Variants in HIVEP1 observed in about 807,000 individuals in gnomAD.
HIVEP1 encodes HIVEP zinc finger 1.
In HIVEP1, 36 loss-of-function variants were observed where a neutral mutation model predicts 180.0. That is an observed-to-expected ratio of 0.20 (90% confidence interval 0.15 to 0.26). The LOEUF (loss-of-function observed/expected upper bound fraction) is 0.26. Ranked by LOEUF, HIVEP1 falls within the 10% of genes least tolerant of loss-of-function variation. The pLI is 1.00. For missense variants in HIVEP1, 3,143 were observed against 3,268.7 expected (o/e 0.96, Z 0.94); for synonymous variants, 1,239 against 1,239.0 (o/e 1.00, Z 0.00).
the HIVEP1 span, among the ~76,000 whole-genome samples, chr6:12,188,581 T>C: frequency 6.6e-6 from 1 of 152,258 alleles, no homozygotes; most frequent in African/African-American, 2.4e-5. Context: ...TAATTACTTA[T>C]ATCAAAATCA....
chr6:12,146,295 T>A (rs1212963498), intron 7 of HIVEP1, among the ~76,000 whole-genome samples: 2 of 151,966 alleles, frequency 1.3e-5, no homozygotes, highest in Non-Finnish European at 2.9e-5. Flanking sequence ...ATATAAAAAT[T>A]AGCCAGGCAT....
chr6:12,076,697 C>T (rs1011131400), intron 2 of HIVEP1, among the ~76,000 whole-genome samples: 29 of 152,078 alleles, frequency 1.9e-4, no homozygotes, highest in African/African-American at 6.8e-4. Flanking sequence ...ACCTAAACAC[C>T]GCCCAGTAGA....
intron 2 of HIVEP1, among the ~76,000 whole-genome samples, chr6:12,054,586 T>G (rs577992426): frequency 1.3e-5 from 2 of 152,364 alleles, no homozygotes; most frequent in African/African-American, 4.8e-5. Context: ...TTACTAGTAT[T>G]TTTCGGTGTC....
chr6:12,167,649 A>C (rs918140670), downstream of HIVEP1, among the ~76,000 whole-genome samples: 1 of 100,242 alleles, frequency 1.0e-5, no homozygotes, highest in Non-Finnish European at 1.9e-5. Context: ...ACATATACAT[A>C]TATATGTTAT....
At chr6:12,130,691 G>C (rs780432774) in intron 5 of HIVEP1, 76 bp from the exon 6 acceptor site, 8 of 781,304 alleles carry the variant, frequency 1.0e-5, no homozygotes, top group Non-Finnish European at 1.6e-5. Flanking sequence ...TTATCTTTGG[G>C]TTGAATTTTA....
chr6:12,184,124 C>T, the HIVEP1 span, among the ~76,000 whole-genome samples: 1 of 152,038 alleles, frequency 6.6e-6, no homozygotes, highest in Admixed American at 6.6e-5. Context: ...TGAATTCTGT[C>T]AAATCATTTT....
In HIVEP1 at chr6:12,123,996, C is replaced by T. The variant is rs1757886742; in HGVS notation, c.4201C>T (p.Leu1401Phe). 1 of 1,614,160 alleles carries T rather than the reference C, an allele frequency of 6.2e-7. No individual in the cohort carries two copies. Among genetic ancestry groups the T allele is most frequent in the African/African-American group, 1.3e-5 (1 of 75,042 alleles). The change falls in exon 4 of 9, where the codon CTT becomes TTT. Residue 1401 changes from leucine (L) to phenylalanine (F), a missense_variant. Transcript: ENST00000379388. The stretch of plus-strand genomic sequence containing the variant: ...CATCACCCCACCCCAGACAACACCA[C>T]TTACTGAATTGCAGCCTCCATCTTC... ...GSITPPQTTP[L>F]TELQPPSSPS...
the HIVEP1 span, among the ~76,000 whole-genome samples, chr6:12,207,742 A>AAATAATAAT: frequency 0.048 from 6,646 of 138,136 alleles, 523 homozygotes; most frequent in African/African-American, 0.16. Flanking sequence ...AGTCTCTACA[A>AAATAATAAT]AATAATAATA....
chr6:12,198,427 A>G, the HIVEP1 span, among the ~76,000 whole-genome samples: 3 of 152,248 alleles, frequency 2.0e-5, no homozygotes, highest in African/African-American at 7.2e-5. Flanking sequence ...TGCAAAGAGA[A>G]CATATAAGTA....
At chr6:12,110,191 A>G (rs1199571759) in intron 3 of HIVEP1, among the ~76,000 whole-genome samples, 1 of 152,240 alleles carries the variant, frequency 6.6e-6, no homozygotes, top group Non-Finnish European at 1.5e-5. Flanking sequence ...TAGATTTAGC[A>G]TGATTCTTAA....
intron 2 of HIVEP1, among the ~76,000 whole-genome samples, chr6:12,023,104 G>T (rs1190775529): frequency 2.0e-5 from 3 of 152,146 alleles, no homozygotes; most frequent in East Asian, 3.9e-4. Flanking sequence ...CTCTCCTTAG[G>T]TTCCAAGATG....
chr6:12,123,138 C>G lies in HIVEP1; in HGVS notation c.3343C>G (p.Gln1115Glu). 3.7e-6 allele frequency: 6 copies of G among 1,614,184 alleles called. No homozygotes were observed. Among genetic ancestry groups the G allele is most frequent in the Non-Finnish European group, 5.1e-6 (6 of 1,180,036 alleles). ...DPKLSTIMEQ[Q>E]ISSAAQDKIE... ...CAAGCTGTCGACCATCATGGAACAA[C>G]AGATAAGTTCAGCAGCCCAGGACAA... is the stretch of plus-strand genomic sequence containing the variant. Residue 1115 changes from glutamine to glutamate, a missense_variant, in exon 4 of 9, where the codon CAG (glutamine) becomes GAG (glutamate). Around this residue, in one of 12 missense-constraint regions of HIVEP1, gnomAD observed 1,357 missense variants for 1,260.5 expected, o/e 1.08. Coordinates refer to ENST00000379388, the MANE Select transcript of HIVEP1 (RefSeq NM_002114.4).
In HIVEP1 at chr6:12,130,760, A is replaced by C; in HGVS notation, c.6210-7A>C. 1 of 1,524,194 alleles carries C rather than the reference A, an allele frequency of 6.6e-7. No individual in the cohort carries two copies. Among genetic ancestry groups the C allele is most frequent in the Non-Finnish European group, 9.0e-7 (1 of 1,116,420 alleles). The allele number at this position is 1,524,194 out of a possible 1,614,324, so 94.4% of individuals were successfully genotyped here. On this transcript the variant is annotated splice_polypyrimidine_tract_variant and splice_region_variant and intron_variant, in intron 5 of 8. Coordinates refer to ENST00000379388, the MANE Select transcript of HIVEP1 (RefSeq NM_002114.4). ...ATCTCCCTATTCATTTTTTTTCTTT[A>C]AATTAGATATAAGTCAAATGAAGAG...
chr6:12,168,085 A>G (rs1260491980), downstream of HIVEP1, among the ~76,000 whole-genome samples: 1 of 69,826 alleles, frequency 1.4e-5, no homozygotes, highest in Non-Finnish European at 3.0e-5. Flanking sequence ...GTATATATAC[A>G]TATATACACA....
chr6:12,155,146 C>T (rs931248283), intron 7 of HIVEP1, among the ~76,000 whole-genome samples: 1 of 152,208 alleles, frequency 6.6e-6, no homozygotes, highest in Non-Finnish European at 1.5e-5. Flanking sequence ...GCATTAGTTA[C>T]ATCCCACAAA....
Position 12,123,329 on chromosome 6 carries a change from A to G in HIVEP1, c.3534A>G (p.Gly1178=). ...TGKSGSLKVI[G]ISQEESHPSR... ...AGTCCGGGTCTCTAAAAGTGATAGG[A>G]ATCTCCCAAGAGGAAAGTCACCCTT... Residue 1178 remains glycine, a synonymous_variant, in exon 4 of 9, where the codon GGA becomes GGG. Transcript: ENST00000379388. 6.2e-7 allele frequency: 1 copy of G among 1,614,176 alleles called. No homozygotes were observed. The highest frequency in any genetic ancestry group is 1.1e-5 in the South Asian group (1 of 91,080).
chr6:12,158,898 C>G (rs1372631587), intron 7 of HIVEP1, among the ~76,000 whole-genome samples: 1 of 152,162 alleles, frequency 6.6e-6, no homozygotes, highest in East Asian at 1.9e-4. Flanking sequence ...TTCTCTCCCC[C>G]ATATCTGGAA....
the HIVEP1 span, among the ~76,000 whole-genome samples, chr6:12,202,672 T>C: frequency 6.6e-6 from 1 of 152,160 alleles, no homozygotes; most frequent in Non-Finnish European, 1.5e-5. Flanking sequence ...AGTTGGTACA[T>C]ATCCCAAGAA....
intron 2 of HIVEP1, 128 bp downstream of exon 2, chr6:12,015,796 C>G (rs1767702754): frequency 1.4e-6 from 1 of 740,230 alleles, no homozygotes; most frequent in South Asian, 1.7e-5. Context: ...TTCTCTTGCT[C>G]ATTTCCAGCA....
Sources: gnomAD v4.1 joint callset for allele counts (sites outside exome capture counted in the v4.1 genomes callset) on GRCh38, gnomAD v4.1.1 for gene constraint, gnomAD v4.1.1 regional missense constraint, MANE v1.5 for transcripts, NCBI Gene and HGNC (gene_info 2026-07-23, HGNC 2026-07-21) for gene names.